Variants in PCDH15 observed in about 807,000 individuals in gnomAD.
The protein encoded by PCDH15 is protocadherin-15.
In PCDH15, 129 loss-of-function variants were observed where a neutral mutation model predicts 178.5. The observed-to-expected ratio is 0.72, with a 90% CI of 0.63 to 0.84. The LOEUF (loss-of-function observed/expected upper bound fraction) is 0.84. Among genes scored for constraint, PCDH15 ranks in the 40% least tolerant of loss-of-function variants. The probability of loss-of-function intolerance (pLI) is 0.00; values close to 1 mark genes in which losing one functional copy is unlikely to be tolerated. For synonymous variants in PCDH15, 800 were observed against 732.0 expected (o/e 1.09, Z -1.50); for missense variants, 2,230 against 2,099.9 (o/e 1.06, Z -1.21).
At chr10:55,602,118 G>T (rs1440716117) in intron 2 of PCDH15, among the ~76,000 whole-genome samples, 1 of 152,140 alleles carries the variant, frequency 6.6e-6, no homozygotes, top group Admixed American at 6.5e-5. Context: ...GTCAAGGAAA[G>T]GGGTGACAGA....
At chr10:54,880,198 C>T (rs1379357193) in intron 3 of PCDH15, among the ~76,000 whole-genome samples, 8 of 152,140 alleles carry the variant, frequency 5.3e-5, no homozygotes, top group Non-Finnish European at 1.0e-4. Context: ...ATTTCCTTGG[C>T]TTCCTTAAGT....
chr10:54,791,400 A>C (rs564395838), intron 1 of PCDH15, among the ~76,000 whole-genome samples: 1 of 152,042 alleles, frequency 6.6e-6, no homozygotes, highest in Non-Finnish European at 1.5e-5. Context: ...AGTTGAATTC[A>C]AACTGGAGAA....
At chr10:53,981,389 T>A (rs183534890) in intron 21 of PCDH15, among the ~76,000 whole-genome samples, 13 of 152,228 alleles carry the variant, frequency 8.5e-5, no homozygotes, top group Admixed American at 6.5e-4. Context: ...GGAATTTCAG[T>A]GAGGCATCAC....
At chr10:54,108,737 T>C (rs2094960772) in intron 15 of PCDH15, among the ~76,000 whole-genome samples, 1 of 152,134 alleles carries the variant, frequency 6.6e-6, no homozygotes, top group South Asian at 2.1e-4. Flanking sequence ...TACTCTTTAC[T>C]TCTGCTGAGG....
intron 20 of PCDH15, among the ~76,000 whole-genome samples, chr10:54,014,972 CCT>C (rs1197717742): frequency 1.3e-5 from 2 of 152,042 alleles, no homozygotes; most frequent in African/African-American, 2.4e-5. Flanking sequence ...TCAAACTACC[CCT>C]GTTTGCAGAT....
At chr10:55,133,733 T>C (rs141621291) in intron 2 of PCDH15, among the ~76,000 whole-genome samples, 15 of 152,280 alleles carry the variant, frequency 9.9e-5, no homozygotes, top group African/African-American at 2.6e-4. Flanking sequence ...TTTTGGCAAC[T>C]TCAGTATTGC....
intron 1 of PCDH15, among the ~76,000 whole-genome samples, chr10:54,787,390 T>G (rs1485781160): frequency 6.6e-6 from 1 of 152,000 alleles, no homozygotes; most frequent in Non-Finnish European, 1.5e-5. Context: ...AGTTTTGAAC[T>G]TGACTTTTTA....
chr10:54,995,906 C>G (rs1416968616), intron 2 of PCDH15, among the ~76,000 whole-genome samples: 1 of 152,030 alleles, frequency 6.6e-6, no homozygotes, highest in Non-Finnish European at 1.5e-5. Context: ...CATTTCTTTC[C>G]TGTTATATAA....
intron 7 of PCDH15, among the ~76,000 whole-genome samples, chr10:54,318,266 T>A (rs1399088815): frequency 6.6e-6 from 1 of 152,302 alleles, no homozygotes; most frequent in African/African-American, 2.4e-5. Flanking sequence ...CTTTCTGTCA[T>A]GAAAATTCAA....
intron 1 of PCDH15, among the ~76,000 whole-genome samples, chr10:54,677,901 G>A (rs1351412698): frequency 6.6e-6 from 1 of 152,040 alleles, no homozygotes; most frequent in African/African-American, 2.4e-5. Flanking sequence ...TACGCATTTA[G>A]GACCACTGTA....
intron 8 of PCDH15, among the ~76,000 whole-genome samples, chr10:54,241,226 T>C (rs2055254826): frequency 1.3e-5 from 2 of 152,166 alleles, no homozygotes; most frequent in Admixed American, 6.5e-5. Context: ...TCTCTTCACA[T>C]AGACAATAAT....
At chr10:55,068,792 C>T (rs1158671215) in intron 2 of PCDH15, among the ~76,000 whole-genome samples, 8 of 150,708 alleles carry the variant, frequency 5.3e-5, no homozygotes, top group South Asian at 2.1e-4. Context: ...TGTGCGTGCA[C>T]GTGTGTGTGT....
At chr10:55,215,340 T>C (rs1350932221) in intron 1 of PCDH15, among the ~76,000 whole-genome samples, 1 of 152,150 alleles carries the variant, frequency 6.6e-6, no homozygotes, top group African/African-American at 2.4e-5. Flanking sequence ...TACTTAGGCC[T>C]GATGTAGTTA....
In PCDH15 at chr10:54,445,742, C is replaced by A. The variant is rs546005049; in HGVS notation, c.158-66800G>T. Among the ~76,000 whole-genome samples the A allele has an allele frequency of 6.6e-5, 10 of 151,532 alleles. No individual in the cohort carries two copies. In the South Asian group the frequency reaches 2.1e-3, roughly 31 times the overall value. On this transcript the variant is annotated intron_variant, in intron 3 of 37. Transcript: ENST00000644397. ...ATTTTTTTCTTATATTTTTCCTTCA[C>A]CAAAGTCTTAAAACCTATGCACCTG... is the stretch of plus-strand genomic sequence containing the variant.
At chr10:55,529,771 A>ATATATATATG (rs1377808128) in intron 2 of PCDH15, among the ~76,000 whole-genome samples, 2 of 136,920 alleles carry the variant, frequency 1.5e-5, no homozygotes, top group East Asian at 2.1e-4. Context: ...ATATATATAT[A>ATATATATATG]TATATATTTG....
chr10:54,770,888 T>C (rs1949014659), intron 1 of PCDH15, among the ~76,000 whole-genome samples: 1 of 152,074 alleles, frequency 6.6e-6, no homozygotes. Context: ...ACTTTGCATA[T>C]GTGTCCTCCT....
intron 1 of PCDH15, among the ~76,000 whole-genome samples, chr10:55,317,428 C>A (rs994987926): frequency 6.6e-6 from 1 of 151,896 alleles, no homozygotes; most frequent in African/African-American, 2.4e-5. Flanking sequence ...AATATCTTAC[C>A]CTTTTAATGA....
intron 37 of PCDH15, chr10:53,808,360 C>T: frequency 2.5e-6 from 2 of 790,330 alleles, no homozygotes; most frequent in Non-Finnish European, 3.1e-6. Flanking sequence ...ATATGCCATC[C>T]ATTCCAATAG....
chr10:55,111,335 A>G (rs1207150148), intron 2 of PCDH15, among the ~76,000 whole-genome samples: 2 of 152,204 alleles, frequency 1.3e-5, no homozygotes, highest in East Asian at 3.8e-4. Context: ...TTTTAAAATG[A>G]AGATAGATTT....
Sources: allele counts gnomAD v4.1 joint callset (sites outside exome capture counted in the v4.1 genomes callset), GRCh38; gene constraint gnomAD v4.1.1; transcripts MANE v1.5; gene names NCBI Gene and HGNC (gene_info 2026-07-23, HGNC 2026-07-21).